The following ARL5A variants were observed in gnomAD, a reference collection of about 807,000 sequenced individuals.
The protein encoded by ARL5A is ADP-ribosylation factor-like protein 5A.
In ARL5A, 18 loss-of-function variants were observed where a neutral mutation model predicts 25.9. The observed-to-expected ratio is 0.69, with a 90% confidence interval of 0.48 to 1.03. The LOEUF is 1.03. Ranked by LOEUF, ARL5A falls within the 50% of genes least tolerant of loss-of-function variation. ARL5A has a pLI of 0.00. For missense variants in ARL5A, 170 were observed against 211.9 expected (o/e 0.80, Z 1.23); for synonymous variants, 61 against 67.5 (o/e 0.90, Z 0.47).
chr2:151,820,673 A>AAAC (rs1360497226), intron 1 of ARL5A, among the ~76,000 whole-genome samples: 1 of 150,624 alleles, frequency 6.6e-6, no homozygotes, highest in African/African-American at 2.4e-5. Context: ...AAAAAAAAAA[A>AAAC]AAAAAAAAAA....
At chr2:151,817,336 T>G (rs1328115964) in intron 1 of ARL5A, among the ~76,000 whole-genome samples, 1 of 152,258 alleles carries the variant, frequency 6.6e-6, no homozygotes, top group African/African-American at 2.4e-5. Context: ...GAATACATAT[T>G]AATCATCTTT....
intron 4 of ARL5A, chr2:151,810,303 A>G (rs886666216): frequency 2.5e-5 from 4 of 163,048 alleles, no homozygotes; most frequent in Non-Finnish European, 5.4e-5. Context: ...AGTGATGACA[A>G]TAAGATTTTG....
At chr2:151,810,172 T>G (rs1023620447) in intron 4 of ARL5A, among the ~76,000 whole-genome samples, 1 of 152,226 alleles carries the variant, frequency 6.6e-6, no homozygotes, top group Non-Finnish European at 1.5e-5. Context: ...ACTTTGGTGT[T>G]TGGAACCATT....
intron 1 of ARL5A, 199 bp downstream of exon 1, chr2:151,827,932 G>C: frequency 3.4e-6 from 2 of 583,066 alleles, no homozygotes; most frequent in Non-Finnish European, 6.1e-6. Flanking sequence ...CTAAGACAAA[G>C]GGCTGCGAGT....
Position 151,803,105 on chromosome 2 carries a change from G to A in ARL5A, c.*171C>T, listed in dbSNP as rs1360339348. 4 of 542,274 alleles carry A rather than the reference G, an allele frequency of 7.4e-6. No homozygotes were observed. Among genetic ancestry groups the A allele is most frequent in the Non-Finnish European group, 6.6e-6 (2 of 303,956 alleles). The allele number at this position is 542,274 out of a possible 1,614,324, so 33.6% of individuals were successfully genotyped here. A position where few individuals can be genotyped will look rare whatever the true frequency, so the allele number is the denominator to read the frequency against. On this transcript the variant is annotated 3_prime_UTR_variant, in exon 6 of 6. Coordinates refer to ENST00000295087, the MANE Select transcript of ARL5A (RefSeq NM_012097.4). ...GAAAAAACTAATGAGAAAGCAAACT[G>A]GAAGGTGAGACTTCATCTTTGTTTT...
At chr2:151,810,818 A>C (rs2099830740) in intron 4 of ARL5A, among the ~76,000 whole-genome samples, 1 of 152,228 alleles carries the variant, frequency 6.6e-6, no homozygotes, top group Non-Finnish European at 1.5e-5. Context: ...CTGTCAACAA[A>C]GTAAAAGATA....
intron 4 of ARL5A, chr2:151,810,598 C>T (rs1436242077): frequency 4.6e-6 from 2 of 435,816 alleles, no homozygotes; most frequent in Middle Eastern, 3.3e-4. Flanking sequence ...TACTCAAGTT[C>T]AAAACCTGGC....
intron 1 of ARL5A, among the ~76,000 whole-genome samples, chr2:151,825,506 G>GC (rs1198447251): frequency 7.9e-5 from 12 of 152,284 alleles, no homozygotes; most frequent in African/African-American, 2.6e-4. Flanking sequence ...TTAAATGACA[G>GC]CATCTAGGAT....
chr2:151,806,786 A>C, intron 5 of ARL5A, 35 bp downstream of exon 5: 1 of 1,575,096 alleles, frequency 6.3e-7, no homozygotes, highest in East Asian at 2.2e-5. Context: ...AAGCAAAATA[A>C]ATGTTCGATA....
chr2:151,818,642 G>A (rs1042346557), intron 1 of ARL5A, among the ~76,000 whole-genome samples: 3 of 152,200 alleles, frequency 2.0e-5, no homozygotes, highest in African/African-American at 7.2e-5. Context: ...TTGGGACAAG[G>A]TACCTTTGCA....
At chr2:151,818,477 G>T (rs1452731560) in intron 1 of ARL5A, among the ~76,000 whole-genome samples, 2 of 152,060 alleles carry the variant, frequency 1.3e-5, no homozygotes, top group Non-Finnish European at 2.9e-5. Flanking sequence ...GGATGTCCCT[G>T]TGTTTCCCAG....
rs544353010 is a variant in ARL5A at position 151,828,243 on chromosome 2, G to T, written c.-67C>A. On this transcript the variant is annotated 5_prime_UTR_variant, in exon 1 of 6. Coordinates refer to ENST00000295087, the MANE Select transcript of ARL5A (RefSeq NM_012097.4). ...CTGGCTTCCCCCGGCTCAGGCTGAG[G>T]GGGAGGAGAGAGACGCGCTGGAGCC... is the stretch of plus-strand genomic sequence containing the variant. 4.8e-6 allele frequency: 7 copies of T among 1,459,716 alleles called. No homozygotes were observed. In the Admixed American group the frequency reaches 5.4e-5, roughly 11 times the overall value. The allele number at this position is 1,459,716 out of a possible 1,614,324, so 90.4% of individuals were successfully genotyped here.
Position 151,803,357 on chromosome 2 carries a change from C to T in ARL5A, c.492-33G>A, listed in dbSNP as rs759177874. 1.0e-5 allele frequency: 16 copies of T among 1,555,204 alleles called. No individual in the cohort carries two copies. In the African/African-American group the frequency reaches 1.6e-4, roughly 16 times the overall value. Reference sequence around the variant, plus strand: ...GAAAACAAAATCATTTGATTAAATTCTGAACTAAGAAGCTATGAGCAGCAA... The same window carrying T: ...GAAAACAAAATCATTTGATTAAATTTTGAACTAAGAAGCTATGAGCAGCAA... On this transcript the variant is annotated intron_variant, in intron 5 of 5. Coordinates refer to ENST00000295087, the MANE Select transcript of ARL5A (RefSeq NM_012097.4).
intron 1 of ARL5A, among the ~76,000 whole-genome samples, chr2:151,823,690 C>A (rs1226566181): frequency 6.6e-6 from 1 of 152,208 alleles, no homozygotes; most frequent in African/African-American, 2.4e-5. Flanking sequence ...TAGTGGCTCA[C>A]TGAATGGCAG....
chr2:151,811,150 C>T (rs1240916054), intron 4 of ARL5A, among the ~76,000 whole-genome samples: 2 of 151,956 alleles, frequency 1.3e-5, no homozygotes, highest in Non-Finnish European at 2.9e-5. Flanking sequence ...AAATGAGGAA[C>T]CTCAATTTAC....
chr2:151,814,365 G>C, intron 2 of ARL5A, 49 bp from the exon 3 acceptor site: 1 of 1,414,956 alleles, frequency 7.1e-7, no homozygotes, highest in East Asian at 2.6e-5. Flanking sequence ...AAGCTAACTT[G>C]CTTGAACAAT....
chr2:151,818,107 G>T (rs886896833), intron 1 of ARL5A, among the ~76,000 whole-genome samples: 1 of 152,098 alleles, frequency 6.6e-6, no homozygotes, highest in African/African-American at 2.4e-5. Flanking sequence ...ACATAAATAA[G>T]AACAGCAAAT....
chr2:151,821,324 A>G (rs929111462), intron 1 of ARL5A, among the ~76,000 whole-genome samples: 3 of 152,248 alleles, frequency 2.0e-5, no homozygotes, highest in African/African-American at 7.2e-5. Context: ...AATATATTTG[A>G]ACATATCATA....
chr2:151,807,170 T>C (rs2099830201), intron 4 of ARL5A, among the ~76,000 whole-genome samples, 198 bp from the exon 5 acceptor site: 1 of 152,162 alleles, frequency 6.6e-6, no homozygotes, highest in South Asian at 2.1e-4. Flanking sequence ...CAGACAACAA[T>C]TTTTTATGGT....
Sources: allele counts gnomAD v4.1 joint callset (sites outside exome capture counted in the v4.1 genomes callset), GRCh38; gene constraint gnomAD v4.1.1; transcripts MANE v1.5; gene names NCBI Gene and HGNC (gene_info 2026-07-23, HGNC 2026-07-21).